Variants in CDH8 observed in about 807,000 individuals in gnomAD.
The protein encoded by CDH8 is cadherin-8.
CDH8 carries 17 observed loss-of-function variants against 68.1 expected under a neutral mutation model. That is an observed-to-expected ratio of 0.25 (90% CI 0.17 to 0.37). The LOEUF is 0.37. Among genes scored for constraint, CDH8 ranks in the 10% least tolerant of loss-of-function variants. CDH8 has a pLI of 1.00. For missense variants in CDH8, 763 were observed against 999.3 expected (o/e 0.76, Z 3.19); for synonymous variants, 372 against 365.1 (o/e 1.02, Z -0.21).
At chr16:61,820,895 T>C (rs755278254) in intron 6 of CDH8, 31 bp downstream of exon 6, 3 of 1,577,788 alleles carry the variant, frequency 1.9e-6, no homozygotes, top group African/African-American at 1.4e-5. Flanking sequence ...ACAAGATATT[T>C]TGAAGATGAA....
chr16:61,676,184 TA>T (rs575546308), intron 10 of CDH8, among the ~76,000 whole-genome samples: 23 of 146,072 alleles, frequency 1.6e-4, no homozygotes, highest in African/African-American at 4.7e-4. Flanking sequence ...TGGAAAGTTA[TA>T]AAGACAAAGA....
chr16:61,903,065 A>G (rs1964004981), intron 2 of CDH8, among the ~76,000 whole-genome samples: 1 of 152,200 alleles, frequency 6.6e-6, no homozygotes, highest in Admixed American at 6.5e-5. Context: ...CCATTCACAT[A>G]CAAGGAGTTC....
chr16:61,902,231 C>T (rs375863419), intron 2 of CDH8, among the ~76,000 whole-genome samples: 9 of 151,968 alleles, frequency 5.9e-5, no homozygotes, highest in African/African-American at 2.2e-4. Context: ...CACCATGAAC[C>T]CAAATCCATT....
At position 61,647,826 on chromosome 16, in the gene CDH8, T is replaced by C; in HGVS notation, c.*5782A>G. ...TCTGAGTTCATTGAAGCCATGGTTT[T>C]CCACAGTCTTTCTCTTCAGACAGCA... On this transcript the variant is annotated 3_prime_UTR_variant, in exon 12 of 12. Transcript: ENST00000577390. 1 of 699,988 alleles carries C rather than the reference T, an allele frequency of 1.4e-6. No homozygotes were observed. Among genetic ancestry groups the C allele is most frequent in the Non-Finnish European group, 2.6e-6 (1 of 383,036 alleles). 43.4% of individuals were successfully genotyped at this position (699,988 alleles called of 1,614,324 possible). A position where few individuals can be genotyped will look rare whatever the true frequency, so the allele number is the denominator to read the frequency against.
At chr16:62,013,300 A>G (rs1901860570) in intron 2 of CDH8, among the ~76,000 whole-genome samples, 2 of 150,136 alleles carry the variant, frequency 1.3e-5, no homozygotes. Context: ...AAAATTAACT[A>G]CTTAAATCAA....
intron 8 of CDH8, 102 bp downstream of exon 8, chr16:61,789,244 G>C: frequency 9.6e-7 from 1 of 1,038,822 alleles, no homozygotes; most frequent in Non-Finnish European, 1.4e-6. Context: ...AAGTTCCAAT[G>C]TCAAGGTACC....
chr16:62,008,560 A>G (rs1672821100), intron 2 of CDH8, among the ~76,000 whole-genome samples: 1 of 151,900 alleles, frequency 6.6e-6, no homozygotes, highest in Non-Finnish European at 1.5e-5. Flanking sequence ...ATGCAGTGCC[A>G]TGATCATACA....
At chr16:61,679,003 C>T (rs539343494) in intron 10 of CDH8, among the ~76,000 whole-genome samples, 26 of 152,184 alleles carry the variant, frequency 1.7e-4, no homozygotes, top group Non-Finnish European at 1.6e-4. Flanking sequence ...GTATCTGACT[C>T]ACCTTCTAAG....
At chr16:61,662,087 G>GTTTTTTTTTTTTTTTTTTTGTTTTTTTT in intron 10 of CDH8, among the ~76,000 whole-genome samples, 1 of 92,792 alleles carries the variant, frequency 1.1e-5, no homozygotes, top group African/African-American at 4.0e-5. Context: ...TTTTACTTTA[G>GTTTTTTTTTTTTTTTTTTTGTTTTTTTT]TTTTTTTTTT....
At chr16:61,985,542 G>T (rs1374348135) in intron 2 of CDH8, among the ~76,000 whole-genome samples, 1 of 152,194 alleles carries the variant, frequency 6.6e-6, no homozygotes, top group Non-Finnish European at 1.5e-5. Flanking sequence ...GCCCAGGCTG[G>T]AGTGCAATGG....
At chr16:62,014,795 A>C (rs1312120405) in intron 2 of CDH8, among the ~76,000 whole-genome samples, 1 of 152,194 alleles carries the variant, frequency 6.6e-6, no homozygotes, top group Non-Finnish European at 1.5e-5. Context: ...AATAAGGAAC[A>C]GCTCAGAAGC....
At chr16:61,773,310 A>G (rs948842822) in intron 8 of CDH8, among the ~76,000 whole-genome samples, 2 of 151,970 alleles carry the variant, frequency 1.3e-5, no homozygotes, top group African/African-American at 4.8e-5. Flanking sequence ...TTTTGTGTGA[A>G]TGATTTGCTA....
chr16:61,699,351 A>C (rs557866387), intron 10 of CDH8, among the ~76,000 whole-genome samples: 1 of 152,180 alleles, frequency 6.6e-6, no homozygotes, highest in Non-Finnish European at 1.5e-5. Flanking sequence ...TCAACATTTG[A>C]AATTGTGCTT....
chr16:61,683,345 G>A (rs1388331659), intron 10 of CDH8, among the ~76,000 whole-genome samples: 1 of 151,944 alleles, frequency 6.6e-6, no homozygotes, highest in Non-Finnish European at 1.5e-5. Context: ...AAAACCTAAA[G>A]TCAGTAAATG....
chr16:61,658,430 T>G (rs889119331), intron 10 of CDH8, among the ~76,000 whole-genome samples: 3 of 151,964 alleles, frequency 2.0e-5, no homozygotes, highest in Non-Finnish European at 4.4e-5. Context: ...ATTTTTTGGT[T>G]GTTGTATTAA....
At chr16:61,991,110 C>T (rs929970570) in intron 2 of CDH8, among the ~76,000 whole-genome samples, 1 of 152,116 alleles carries the variant, frequency 6.6e-6, no homozygotes, top group Non-Finnish European at 1.5e-5. Context: ...CCAATATCTT[C>T]ACTAACAATA....
intron 8 of CDH8, among the ~76,000 whole-genome samples, chr16:61,755,665 T>C (rs1399802371): frequency 6.6e-6 from 1 of 152,140 alleles, no homozygotes; most frequent in Non-Finnish European, 1.5e-5. Flanking sequence ...TTTTATTTTA[T>C]TTATTTTATC....
intron 2 of CDH8, among the ~76,000 whole-genome samples, chr16:61,964,285 G>A (rs919718549): frequency 6.6e-6 from 1 of 152,148 alleles, no homozygotes; most frequent in African/African-American, 2.4e-5. Flanking sequence ...TTCCAGTTCA[G>A]GGTTGAGGAT....
chr16:61,865,376 C>A (rs1963235008), intron 3 of CDH8, among the ~76,000 whole-genome samples: 1 of 152,192 alleles, frequency 6.6e-6, no homozygotes, highest in African/African-American at 2.4e-5. Context: ...AACAATTAAA[C>A]ACTTTAGAAA....
Sources: allele counts gnomAD v4.1 joint callset (sites outside exome capture counted in the v4.1 genomes callset), GRCh38; gene constraint gnomAD v4.1.1; transcripts MANE v1.5; gene names NCBI Gene and HGNC (gene_info 2026-07-23, HGNC 2026-07-21).